The following PTPRT variants were observed in gnomAD, a reference collection of about 807,000 sequenced individuals.
The protein encoded by PTPRT is receptor-type tyrosine-protein phosphatase T.
A neutral mutation model predicts 176.8 loss-of-function variants in PTPRT; 56 were observed. The observed-to-expected ratio is 0.32, with a 90% CI of 0.26 to 0.40. The LOEUF (loss-of-function observed/expected upper bound fraction) is 0.40, where lower values mean the gene tolerates loss of function less well. Ranked by LOEUF, PTPRT falls within the 10% of genes least tolerant of loss-of-function variation. PTPRT has a pLI of 1.00. For missense variants in PTPRT, 1,540 were observed against 1,908.2 expected (o/e 0.81, Z 3.60); for synonymous variants, 783 against 739.0 (o/e 1.06, Z -0.96).
chr20:42,654,361 G>C (rs796233164), intron 7 of PTPRT, among the ~76,000 whole-genome samples: 9 of 152,280 alleles, frequency 5.9e-5, no homozygotes, highest in African/African-American at 1.9e-4. Context: ...CACTGTCCCA[G>C]ACAGGCAGGC....
intron 1 of PTPRT, among the ~76,000 whole-genome samples, chr20:43,088,718 T>C (rs1467802497): frequency 2.0e-5 from 3 of 152,172 alleles, no homozygotes; most frequent in African/African-American, 7.2e-5. Context: ...CCATCTTTTG[T>C]GGTCTGCACA....
At chr20:42,099,558 G>T (rs1438959449) in intron 26 of PTPRT, among the ~76,000 whole-genome samples, 4 of 39,658 alleles carry the variant, frequency 1.0e-4, no homozygotes, top group South Asian at 2.9e-3. Flanking sequence ...GGGGGGGGGG[G>T]GGTGGGGTGG....
intron 1 of PTPRT, among the ~76,000 whole-genome samples, chr20:43,115,171 A>G (rs1335955653): frequency 6.6e-6 from 1 of 152,166 alleles, no homozygotes; most frequent in Non-Finnish European, 1.5e-5. Flanking sequence ...TGAGAAGGAC[A>G]TGGCCTCCTC....
At chr20:42,937,272 T>C (rs1980245816) in intron 1 of PTPRT, among the ~76,000 whole-genome samples, 1 of 152,240 alleles carries the variant, frequency 6.6e-6, no homozygotes, top group Admixed American at 6.5e-5. Context: ...ACACAGGCAC[T>C]GGGTGTCATA....
At chr20:42,955,089 C>T (rs1403593891) in intron 1 of PTPRT, among the ~76,000 whole-genome samples, 1 of 152,128 alleles carries the variant, frequency 6.6e-6, no homozygotes, top group African/African-American at 2.4e-5. Flanking sequence ...CTCTATCCCC[C>T]TCTTAGTGAT....
chr20:42,814,526 T>C (rs1355021179), intron 2 of PTPRT, among the ~76,000 whole-genome samples: 1 of 152,244 alleles, frequency 6.6e-6, no homozygotes, highest in South Asian at 2.1e-4. Flanking sequence ...TGAGCTGTTA[T>C]TACTCTGCAG....
chr20:42,562,729 T>G (rs1159990580), intron 7 of PTPRT, among the ~76,000 whole-genome samples: 1 of 152,004 alleles, frequency 6.6e-6, no homozygotes, highest in African/African-American at 2.4e-5. Flanking sequence ...CTACATGGAG[T>G]CCATCACCCT....
intron 8 of PTPRT, among the ~76,000 whole-genome samples, chr20:42,469,677 C>T (rs2071160460): frequency 2.0e-5 from 3 of 146,838 alleles, no homozygotes; most frequent in Admixed American, 1.4e-4. Flanking sequence ...CTTCCTAGAA[C>T]TGGAAGTTTT....
intron 12 of PTPRT, among the ~76,000 whole-genome samples, chr20:42,313,243 T>A (rs775445687): frequency 1.3e-5 from 2 of 152,142 alleles, no homozygotes; most frequent in Non-Finnish European, 2.9e-5. Flanking sequence ...GTTTAGCATA[T>A]CAAGGAATAG....
At chr20:42,208,944 A>C (rs967776726) in intron 15 of PTPRT, among the ~76,000 whole-genome samples, 1 of 152,148 alleles carries the variant, frequency 6.6e-6, no homozygotes, top group Non-Finnish European at 1.5e-5. Flanking sequence ...ATAACAAACT[A>C]TCTCTCAGAC....
At chr20:42,951,222 G>A (rs1568696727) in intron 1 of PTPRT, among the ~76,000 whole-genome samples, 1 of 151,974 alleles carries the variant, frequency 6.6e-6, no homozygotes, top group African/African-American at 2.4e-5. Flanking sequence ...TGGATGGGTG[G>A]GTATATGGAT....
chr20:42,747,538 T>G (rs1205297562), intron 6 of PTPRT, among the ~76,000 whole-genome samples: 1 of 150,522 alleles, frequency 6.6e-6, no homozygotes, highest in African/African-American at 2.5e-5. Context: ...GGGTGGGAGG[T>G]GGGGGAGAGT....
intron 7 of PTPRT, among the ~76,000 whole-genome samples, chr20:42,661,531 G>A (rs1034072788): frequency 1.3e-5 from 2 of 152,116 alleles, no homozygotes; most frequent in African/African-American, 4.8e-5. Flanking sequence ...CACCACCAGA[G>A]TAGTTATAGT....
chr20:42,477,397 T>A (rs1429793275), intron 7 of PTPRT, among the ~76,000 whole-genome samples: 1 of 149,744 alleles, frequency 6.7e-6, no homozygotes, highest in African/African-American at 2.4e-5. Flanking sequence ...ATATATATTT[T>A]TTTTGCATTC....
intron 9 of PTPRT, among the ~76,000 whole-genome samples, chr20:42,375,395 C>T (rs2058638794): frequency 6.6e-6 from 1 of 152,104 alleles, no homozygotes; most frequent in South Asian, 2.1e-4. Context: ...GAGGTGAGGC[C>T]TCTGGGGAAG....
At chr20:42,099,314 A>G (rs1201821496) in intron 26 of PTPRT, among the ~76,000 whole-genome samples, 1 of 152,108 alleles carries the variant, frequency 6.6e-6, no homozygotes, top group East Asian at 1.9e-4. Context: ...TCATAAATCC[A>G]AAGGAATGAT....
At chr20:42,975,361 C>T (rs1002587583) in intron 1 of PTPRT, among the ~76,000 whole-genome samples, 2 of 151,798 alleles carry the variant, frequency 1.3e-5, no homozygotes, top group African/African-American at 4.8e-5. Flanking sequence ...CACCAACAAC[C>T]CTAAAAGGAA....
Position 42,295,261 on chromosome 20 carries a change from T to C in PTPRT, c.2140-12736A>G, listed in dbSNP as rs1221382471. Reference sequence around the variant, plus strand: ...CACATGCAAGAGAATTAGACTATCATGATACTTCTCAAAAACAGCATGCAA... The same window carrying C: ...CACATGCAAGAGAATTAGACTATCACGATACTTCTCAAAAACAGCATGCAA... On this transcript the variant is annotated intron_variant, in intron 12 of 30. Transcript: ENST00000373187. 2.0e-5 allele frequency among the ~76,000 whole-genome samples: 3 copies of C among 152,312 alleles called. No homozygotes were observed. The South Asian group carries it at 6.2e-4, about 32-fold the overall frequency.
intron 9 of PTPRT, among the ~76,000 whole-genome samples, chr20:42,358,484 A>C (rs1259685749): frequency 1.3e-5 from 2 of 152,178 alleles, no homozygotes; most frequent in African/African-American, 4.8e-5. Flanking sequence ...TTCTGAAGGA[A>C]GGGAAGATGG....
Sources: allele counts gnomAD v4.1 joint callset (sites outside exome capture counted in the v4.1 genomes callset), GRCh38; gene constraint gnomAD v4.1.1; transcripts MANE v1.5; gene names NCBI Gene and HGNC (gene_info 2026-07-23, HGNC 2026-07-21).